Variants in MON2 observed in about 807,000 individuals in gnomAD.
MON2 encodes the protein MON2 regulator of endosome-to-Golgi trafficking.
In MON2, 84 loss-of-function variants were observed where a neutral mutation model predicts 208.6. That is an observed-to-expected ratio of 0.40 (90% CI 0.34 to 0.48). The LOEUF is 0.48. MON2 is among the 20% of genes least tolerant of loss of function. The pLI is 0.59. For missense variants in MON2, 1,611 were observed against 2,015.4 expected (o/e 0.80, Z 3.84); for synonymous variants, 660 against 694.0 (o/e 0.95, Z 0.77).
At chr12:62,517,262 C>T (rs1264839934) in intron 8 of MON2, among the ~76,000 whole-genome samples, 1 of 152,152 alleles carries the variant, frequency 6.6e-6, no homozygotes, top group African/African-American at 2.4e-5. Context: ...CTAGTCAGTC[C>T]TGGAAAAACA....
rs748595452 is a variant in MON2 at position 62,594,849 on chromosome 12, C to T, written c.*2100C>T. 7 of 152,030 alleles carry T rather than the reference C, an allele frequency of 4.6e-5. No individual in the cohort carries two copies. The highest frequency in any genetic ancestry group is 8.8e-5 in the Non-Finnish European group (6 of 67,990). 9.4% of individuals were successfully genotyped at this position (152,030 alleles called of 1,614,324 possible). A position where few individuals can be genotyped will look rare whatever the true frequency, so the allele number is the denominator to read the frequency against. ...TCTTAGTGTGAAGCAAGTGGGTGGC[C>T]CCCTTGGTAGTATAATTGGACAGGA... On this transcript the variant is annotated 3_prime_UTR_variant, in exon 35 of 35. Transcript: ENST00000393630.
chr12:62,570,567 C>A (rs2074553386), intron 29 of MON2, among the ~76,000 whole-genome samples: 1 of 152,020 alleles, frequency 6.6e-6, no homozygotes, highest in East Asian at 1.9e-4. Flanking sequence ...CTTACACAAA[C>A]CTAGATGATA....
At chr12:62,494,963 C>T in intron 3 of MON2, 53 bp from the exon 4 acceptor site, 1 of 1,329,756 alleles carries the variant, frequency 7.5e-7, no homozygotes, top group Non-Finnish European at 1.0e-6. Flanking sequence ...TATTTAGGGA[C>T]ATCAACATCT....
intron 2 of MON2, among the ~76,000 whole-genome samples, chr12:62,489,629 C>G (rs1217853287): frequency 6.6e-6 from 1 of 151,862 alleles, no homozygotes; most frequent in Non-Finnish European, 1.5e-5. Context: ...TTTGATTTTT[C>G]TTAATAATAT....
Position 62,556,166 on chromosome 12 carries a change from C to T in MON2, c.3383C>T (p.Thr1128Ile), listed in dbSNP as rs1370484503. The change falls in exon 25 of 35, where the codon ACT becomes ATT. Residue 1128 changes from threonine to isoleucine, a missense_variant. Coordinates refer to ENST00000393630, the MANE Select transcript of MON2 (RefSeq NM_015026.3). ...TLAGVARIFN[T>I]RRYLLQPLGD... ...GCTGGAGTAGCAAGGATCTTCAACA[C>T]TAGAAGATATTTGCTGCAGCCTTTA... is the stretch of plus-strand genomic sequence containing the variant. 1 of 1,613,750 alleles carries T rather than the reference C, an allele frequency of 6.2e-7. No homozygotes were observed. The highest frequency in any genetic ancestry group is 1.7e-5 in the Admixed American group (1 of 59,974).
intron 1 of MON2, among the ~76,000 whole-genome samples, chr12:62,479,805 A>G (rs997301748): frequency 2.6e-5 from 4 of 152,064 alleles, no homozygotes; most frequent in African/African-American, 7.2e-5. Context: ...ATGAGTATCA[A>G]TTAAGGAAAA....
chr12:62,574,586 C>T (rs189819856), intron 30 of MON2, among the ~76,000 whole-genome samples: 47 of 152,102 alleles, frequency 3.1e-4, no homozygotes, highest in Admixed American at 9.8e-4. Context: ...GCCATGTTGC[C>T]CAGGCTTGGA....
At chr12:62,562,279 A>G (rs760882074) in intron 26 of MON2, among the ~76,000 whole-genome samples, 12 of 151,622 alleles carry the variant, frequency 7.9e-5, no homozygotes, top group Non-Finnish European at 1.3e-4. Flanking sequence ...GTTTTTATAT[A>G]TGTGTACAGG....
At chr12:62,484,571 A>G (rs1028562889) in intron 2 of MON2, among the ~76,000 whole-genome samples, 23 of 152,304 alleles carry the variant, frequency 1.5e-4, no homozygotes, top group African/African-American at 4.8e-4. Context: ...TATTTGTTCC[A>G]TTGTATTGAA....
intron 23 of MON2, among the ~76,000 whole-genome samples, chr12:62,552,451 G>T (rs2073791402): frequency 6.6e-6 from 1 of 152,000 alleles, no homozygotes; most frequent in Non-Finnish European, 1.5e-5. Context: ...TTTGGAAACA[G>T]TAATTGCTCG....
At chr12:62,578,537 A>G in intron 31 of MON2, 32 bp downstream of exon 31, 2 of 1,369,642 alleles carry the variant, frequency 1.5e-6, no homozygotes, top group Non-Finnish European at 2.0e-6. Flanking sequence ...TTTTCCTGTG[A>G]CCATTTTTGA....
intron 2 of MON2, 87 bp from the exon 3 acceptor site, chr12:62,493,828 C>T (rs61921910): frequency 0.12 from 113,921 of 974,534 alleles, 7,711 homozygotes; most frequent in East Asian, 0.25. Flanking sequence ...TTTTTGAGAT[C>T]GCTATTACTG....
chr12:62,508,956 G>A (rs1052538051), intron 8 of MON2: 1 of 153,344 alleles, frequency 6.5e-6, no homozygotes, highest in Non-Finnish European at 1.5e-5. Flanking sequence ...TGCCTATTAT[G>A]TTGTGATATT....
chr12:62,499,772 C>T (rs1408233390), intron 5 of MON2, among the ~76,000 whole-genome samples: 1 of 151,932 alleles, frequency 6.6e-6, no homozygotes, highest in Non-Finnish European at 1.5e-5. Flanking sequence ...ACTCCAGAGG[C>T]TGAGGCAGGA....
chr12:62,519,568 G>A (rs2071894041), intron 8 of MON2, among the ~76,000 whole-genome samples: 1 of 152,096 alleles, frequency 6.6e-6, no homozygotes, highest in Admixed American at 6.5e-5. Context: ...AAATAATTAT[G>A]TTTTAAAGAA....
intron 23 of MON2, among the ~76,000 whole-genome samples, chr12:62,550,951 C>A (rs1319564726): frequency 7.3e-6 from 1 of 136,382 alleles, no homozygotes; most frequent in Non-Finnish European, 1.5e-5. Context: ...CGGAGTCTTG[C>A]GCTTGTTACC....
At position 62,597,788 on chromosome 12, in the gene MON2, C is replaced by A. The variant is rs1475845929; in HGVS notation, c.*5039C>A. On this transcript the variant is annotated 3_prime_UTR_variant, in exon 35 of 35. Transcript: ENST00000393630. The stretch of plus-strand genomic sequence containing the variant: ...GAGGGTTTTGGCTGGCGTGGTGGCC[C>A]ACACCTGTAATCCCAGCACTTTGGG... 6.6e-6 allele frequency: 1 copy of A among 152,126 alleles called. No individual in the cohort carries two copies. Among genetic ancestry groups the A allele is most frequent in the Non-Finnish European group, 1.5e-5 (1 of 68,048 alleles). The allele number at this position is 152,126 out of a possible 1,614,324, so 9.4% of individuals were successfully genotyped here.
rs898812764 is a variant in MON2 at position 62,524,701 on chromosome 12, C to T, written c.1109+62C>T. 31 of 1,481,292 alleles carry T rather than the reference C, an allele frequency of 2.1e-5. No homozygotes were observed. The South Asian group carries it at 2.2e-4, about 11-fold the overall frequency. 91.8% of individuals were successfully genotyped at this position (1,481,292 alleles called of 1,614,324 possible). ...TAATGTTTATTAACCTGTAAACTAA[C>T]CTATAATAGGTTAATAAACTAGTCA... On this transcript the variant is annotated intron_variant, in intron 9 of 34. Coordinates refer to ENST00000393630, the MANE Select transcript of MON2 (RefSeq NM_015026.3).
At position 62,560,551 on chromosome 12, in the gene MON2, A is replaced by G; in HGVS notation, c.3470A>G (p.Lys1157Arg). ...CATATACAGTCAGCAGCACTCAGCAAAAACAATGAAGTATCTCTGGCTGCT... is the reference window on the plus strand; with the variant it reads ...CATATACAGTCAGCAGCACTCAGCAGAAACAATGAAGTATCTCTGGCTGCT... ...LDHIQSAALSKNNEVSLAALK... is the reference protein window; with the variant it reads ...LDHIQSAALSRNNEVSLAALK... Residue 1157 changes from lysine to arginine, a missense_variant, in exon 26 of 35, where the codon AAA (lysine) becomes AGA (arginine). Transcript: ENST00000393630. 1 of 1,614,056 alleles carries G rather than the reference A, an allele frequency of 6.2e-7. No homozygotes were observed. Among genetic ancestry groups the G allele is most frequent in the Non-Finnish European group, 8.5e-7 (1 of 1,179,990 alleles).
Sources: allele counts gnomAD v4.1 joint callset (sites outside exome capture counted in the v4.1 genomes callset), GRCh38; gene constraint gnomAD v4.1.1; transcripts MANE v1.5; gene names NCBI Gene and HGNC (gene_info 2026-07-23, HGNC 2026-07-21).